The following SMG1 variants were observed in gnomAD, a reference collection of about 807,000 sequenced individuals.
SMG1 encodes the protein serine/threonine-protein kinase SMG1.
A neutral mutation model predicts 419.9 loss-of-function variants in SMG1; 22 were observed. The observed-to-expected ratio is 0.05, with a 90% CI of 0.04 to 0.07. SMG1 has a LOEUF of 0.07. Ranked by LOEUF, SMG1 falls within the 10% of genes least tolerant of loss-of-function variation. The probability of loss-of-function intolerance (pLI) is 1.00; values close to 1 mark genes in which losing one functional copy is unlikely to be tolerated. For missense variants in SMG1, 3,185 were observed against 4,342.0 expected, an observed-to-expected ratio of 0.73 and a Z score of 7.49; for synonymous variants, 1,538 against 1,553.5, an observed-to-expected ratio of 0.99 and a Z score of 0.23.
At position 18,855,954 on chromosome 16, in the gene SMG1, A is replaced by C. The variant is rs556348610; in HGVS notation, c.4235-1050T>G. Among the ~76,000 whole-genome samples, 3 of 152,136 alleles carry C rather than the reference A, an allele frequency of 2.0e-5. No individual in the cohort carries two copies. The East Asian group carries it at 5.8e-4, about 29-fold the overall frequency. ...CTTCCAGCATTCAATTCCAATCTCA[A>C]TCTCATCCAGCGCTCCACCTCTTCC... On this transcript the variant is annotated intron_variant, in intron 29 of 62. Transcript: ENST00000446231.
At chr16:18,834,481 A>G (rs1209557018) in intron 49 of SMG1, 43 bp from the exon 50 acceptor site, 2 of 1,566,696 alleles carry the variant, frequency 1.3e-6, no homozygotes, top group African/African-American at 2.7e-5. Flanking sequence ...TAAATGTATA[A>G]ACAAAACAAG....
rs1345869516 is a variant in SMG1, at chr16:18,807,759, T to TA, written c.*1809dup. The TA allele has an allele frequency of 1.3e-5, 2 of 152,122 alleles. No homozygotes were observed. The highest frequency in any genetic ancestry group is 2.4e-5 in the African/African-American group (1 of 41,424). 9.4% of individuals were successfully genotyped at this position (152,122 alleles called of 1,614,324 possible). A position where few individuals can be genotyped will look rare whatever the true frequency, so the allele number is the denominator to read the frequency against. ...AATGTACTCAAACAATTTTTTTTTT[T>TA]ATCTAGTCATTTATTTTTGACACAG... On this transcript the variant is annotated 3_prime_UTR_variant, in exon 63 of 63. Coordinates refer to ENST00000446231, the MANE Select transcript of SMG1 (RefSeq NM_015092.5).
chr16:18,842,878 T>G (rs2606547), intron 39 of SMG1, among the ~76,000 whole-genome samples: 13,512 of 152,208 alleles, frequency 0.089, 743 homozygotes, highest in African/African-American at 0.16. Context: ...CTATCTGCTG[T>G]TCTTATTTCT....
In SMG1 at chr16:18,821,221, C is replaced by CTT. The variant is rs869238782; in HGVS notation, c.9742-1569_9742-1568dup. 2.7e-3 allele frequency among the ~76,000 whole-genome samples: 95 copies of CTT among 35,600 alleles called. 7 individuals are homozygous for CTT. Among genetic ancestry groups the CTT allele is most frequent in the African/African-American group, 8.0e-3 (69 of 8,654 alleles). The allele number at this position is 35,600 out of a possible 152,430, so 23.4% of individuals were successfully genotyped here. On this transcript the variant is annotated intron_variant, in intron 55 of 62. Transcript: ENST00000446231. ...AAAACCTGAGATATTTAGTATGTTT[C>CTT]TTTTTTTTTTTTTTTTTTTCTTTTT...
At chr16:18,867,066 G>A (rs1002571908) in intron 22 of SMG1, among the ~76,000 whole-genome samples, 1 of 152,066 alleles carries the variant, frequency 6.6e-6, no homozygotes, top group African/African-American at 2.4e-5. Flanking sequence ...TAAAAAGAAA[G>A]CAAAAATTAA....
intron 10 of SMG1, among the ~76,000 whole-genome samples, chr16:18,880,596 T>C (rs573760815): frequency 8.1e-4 from 123 of 151,756 alleles, no homozygotes; most frequent in African/African-American, 2.3e-3. Flanking sequence ...GCACCAGTAG[T>C]CCCAACTACT....
chr16:18,847,948 A>G lies in SMG1; in HGVS notation c.5709T>C (p.Ser1903=), dbSNP rs994277849. 6.2e-7 allele frequency: 1 copy of G among 1,614,022 alleles called. No homozygotes were observed. Among genetic ancestry groups the G allele is most frequent in the Non-Finnish European group, 8.5e-7 (1 of 1,179,880 alleles). ...ELLVSECEGG[S]PPASQDSNKD... ...TATTGCTATCCTGAGATGCAGGAGG[A>G]CTTCCTCCCTCACATTCAGAAACCA... is the stretch of plus-strand genomic sequence containing the variant. The change falls in exon 37 of 63, where the codon AGT becomes AGC. Residue 1903 remains serine, a synonymous_variant. Coordinates refer to ENST00000446231, the MANE Select transcript of SMG1 (RefSeq NM_015092.5).
At chr16:18,887,500 G>A (rs1315337313) in intron 6 of SMG1, among the ~76,000 whole-genome samples, 82 of 111,798 alleles carry the variant, frequency 7.3e-4, no homozygotes, top group Non-Finnish European at 2.3e-4. Flanking sequence ...CACCACGCCC[G>A]ACTTATTTTT....
At chr16:18,914,778 GC>G (rs2037909007) in intron 1 of SMG1, among the ~76,000 whole-genome samples, 5 of 152,132 alleles carry the variant, frequency 3.3e-5, no homozygotes, top group Non-Finnish European at 7.3e-5. Context: ...CTAATGGGAT[GC>G]CAGAAGGCTC....
In SMG1 at chr16:18,836,043, C is replaced by T; in HGVS notation, c.7947G>A (p.Leu2649=). The T allele has an allele frequency of 6.3e-7, 1 of 1,594,382 alleles. No individual in the cohort carries two copies. The highest frequency in any genetic ancestry group is 8.5e-7 in the Non-Finnish European group (1 of 1,170,288). Residue 2649 remains leucine, a synonymous_variant, in exon 48 of 63, where the codon CTG becomes CTA. Coordinates refer to ENST00000446231, the MANE Select transcript of SMG1 (RefSeq NM_015092.5). ...EQLHHYATVA[L]QYPKAIFQKH... ...TCTGAAATATGGCCTTCGGATACTG[C>T]AGGGCCACGGTTGCATAGTGATGCA... is the stretch of plus-strand genomic sequence containing the variant.
At chr16:18,829,836 G>T in intron 53 of SMG1, 81 bp from the exon 54 acceptor site, 6 of 1,433,730 alleles carry the variant, frequency 4.2e-6, no homozygotes, top group Non-Finnish European at 5.6e-6. Context: ...AAGGTGTCAT[G>T]AATGTATAAT....
intron 56 of SMG1, 117 bp downstream of exon 56, chr16:18,819,385 G>T: frequency 9.2e-7 from 1 of 1,083,296 alleles, no homozygotes. Context: ...CTCCTCCCAG[G>T]GCTGTGAGCC....
chr16:18,900,257 A>G (rs1473500705), intron 1 of SMG1, among the ~76,000 whole-genome samples: 1 of 152,250 alleles, frequency 6.6e-6, no homozygotes, highest in Admixed American at 6.5e-5. Flanking sequence ...ATTTTAGTAC[A>G]TAAGAGAATT....
At chr16:18,820,541 C>T (rs1227556995) in intron 55 of SMG1, among the ~76,000 whole-genome samples, 1 of 152,212 alleles carries the variant, frequency 6.6e-6, no homozygotes, top group Non-Finnish European at 1.5e-5. Flanking sequence ...TCCAGATTAT[C>T]ATGACGAGGA....
chr16:18,818,018 TA>T (rs753957520), intron 56 of SMG1, among the ~76,000 whole-genome samples: 1 of 151,498 alleles, frequency 6.6e-6, no homozygotes, highest in Non-Finnish European at 1.5e-5. Context: ...CCTACCGCCT[TA>T]GTCTCCCAGG....
At chr16:18,911,672 A>C (rs999085915) in intron 1 of SMG1, 6 of 152,176 alleles carry the variant, frequency 3.9e-5, no homozygotes. Context: ...TCAGAGGGAC[A>C]CAGCTGGTAG....
chr16:18,847,032 T>C (rs150667444), intron 38 of SMG1, among the ~76,000 whole-genome samples: 3 of 149,112 alleles, frequency 2.0e-5, no homozygotes, highest in African/African-American at 7.4e-5. Context: ...GGTATAATCA[T>C]ACAGTATTAT....
At chr16:18,839,645 T>C in intron 42 of SMG1, 53 bp downstream of exon 42, 4 of 1,599,076 alleles carry the variant, frequency 2.5e-6, no homozygotes, top group Non-Finnish European at 3.4e-6. Flanking sequence ...GGCAAGAAGG[T>C]AGCAGGCAAA....
chr16:18,893,994 C>T (rs373976674), intron 3 of SMG1, among the ~76,000 whole-genome samples: 2 of 151,404 alleles, frequency 1.3e-5, no homozygotes, highest in East Asian at 2.0e-4. Context: ...GAGGTGGAGG[C>T]TGCAGTGAGC....
Sources: gnomAD v4.1 joint callset for allele counts (sites outside exome capture counted in the v4.1 genomes callset) on GRCh38, gnomAD v4.1.1 for gene constraint, MANE v1.5 for transcripts, NCBI Gene and HGNC (gene_info 2026-07-23, HGNC 2026-07-21) for gene names.